The following PLD1 variants were observed in gnomAD, a reference collection of about 807,000 sequenced individuals.
The protein encoded by PLD1 is choline phosphatase 1.
In PLD1, 112 loss-of-function variants were observed where a neutral mutation model predicts 137.1. The ratio of observed to expected loss-of-function variants is 0.82; its 90% CI spans 0.70 to 0.96. The LOEUF (loss-of-function observed/expected upper bound fraction) is 0.96. Ranked by LOEUF, PLD1 falls within the 40% of genes least tolerant of loss-of-function variation. The pLI, the probability that PLD1 is intolerant of heterozygous loss-of-function variation, is 0.00. For missense variants in PLD1, 1,321 were observed against 1,342.0 expected (o/e 0.98, Z 0.24); for synonymous variants, 431 against 454.7 (o/e 0.95, Z 0.66).
chr3:171,620,306 G>C (rs935748100), intron 24 of PLD1, 80 bp downstream of exon 24: 2 of 994,524 alleles, frequency 2.0e-6, no homozygotes, highest in African/African-American at 3.2e-5. Flanking sequence ...AGGATGCTTA[G>C]GAGGAATAGC....
intron 21 of PLD1, among the ~76,000 whole-genome samples, chr3:171,651,869 C>T (rs1560182081): frequency 2.0e-5 from 3 of 152,182 alleles, no homozygotes; most frequent in Admixed American, 2.0e-4. Context: ...TTCCAGGGCA[C>T]ATGCTCAGGC....
chr3:171,634,094 G>T (rs1050017058), intron 23 of PLD1, among the ~76,000 whole-genome samples: 2 of 152,080 alleles, frequency 1.3e-5, no homozygotes, highest in Admixed American at 6.6e-5. Context: ...TTAGAAACAG[G>T]CATTATGTAA....
chr3:171,617,379 T>C (rs1733205314), intron 24 of PLD1, among the ~76,000 whole-genome samples: 1 of 152,138 alleles, frequency 6.6e-6, no homozygotes, highest in African/African-American at 2.4e-5. Flanking sequence ...CCCTGAACCT[T>C]CTTGTTCTGG....
chr3:171,773,922 G>A (rs908983842), intron 1 of PLD1, among the ~76,000 whole-genome samples: 13 of 151,718 alleles, frequency 8.6e-5, no homozygotes, highest in African/African-American at 2.9e-4. Flanking sequence ...CTAATTTTTT[G>A]TACTTTTAGT....
At chr3:171,737,511 T>C (rs1403477727) in intron 3 of PLD1, 21 bp downstream of exon 3, 2 of 1,587,800 alleles carry the variant, frequency 1.3e-6, no homozygotes, top group East Asian at 2.2e-5. Context: ...GAAAAAAGGG[T>C]GAGTCCATAA....
intron 22 of PLD1, among the ~76,000 whole-genome samples, chr3:171,644,570 A>G (rs960275084): frequency 5.9e-5 from 9 of 152,194 alleles, no homozygotes; most frequent in South Asian, 2.1e-4. Flanking sequence ...TTTTTTCTCT[A>G]TTTACTGCAA....
intron 1 of PLD1, chr3:171,791,953 G>C (rs1363295663): frequency 6.5e-6 from 1 of 152,782 alleles, no homozygotes; most frequent in Non-Finnish European, 1.5e-5. Context: ...CAGAGTTCCG[G>C]AACATTCCTC....
intron 12 of PLD1, among the ~76,000 whole-genome samples, chr3:171,696,569 G>T (rs191787486): frequency 6.6e-6 from 1 of 152,224 alleles, no homozygotes; most frequent in African/African-American, 2.4e-5. Flanking sequence ...AATAAACCTT[G>T]TGGACCTCTG....
In PLD1 at chr3:171,602,928, T is replaced by G; in HGVS notation, c.*150A>C. On this transcript the variant is annotated 3_prime_UTR_variant, in exon 27 of 27. Coordinates refer to ENST00000351298, the MANE Select transcript of PLD1 (RefSeq NM_002662.5). ...GATGTTTACAGTCCTTACATCAATGTGACTGCAGCCCTCCCCAGTCATTCC... is the reference window on the plus strand; with the variant it reads ...GATGTTTACAGTCCTTACATCAATGGGACTGCAGCCCTCCCCAGTCATTCC... 1 of 617,874 alleles carries G rather than the reference T, an allele frequency of 1.6e-6. No individual in the cohort carries two copies. The highest frequency in any genetic ancestry group is 2.7e-5 in the East Asian group (1 of 36,794). 38.3% of individuals were successfully genotyped at this position (617,874 alleles called of 1,614,324 possible). A position where few individuals can be genotyped will look rare whatever the true frequency, so the allele number is the denominator to read the frequency against.
chr3:171,690,246 CT>C (rs138030367), intron 13 of PLD1, among the ~76,000 whole-genome samples: 25 of 151,080 alleles, frequency 1.7e-4, no homozygotes, highest in African/African-American at 5.6e-4. Context: ...TAACTTGAGT[CT>C]TTTTTTTTCT....
chr3:171,684,105 A>T lies in PLD1; in HGVS notation c.1867+2580T>A, dbSNP rs565653289. ...GGGTACTTTTCATCAGCAACACCAT[A>T]CACATGTATGATCAGTGTCTCAGAT... On this transcript the variant is annotated intron_variant, in intron 16 of 26. Coordinates refer to ENST00000351298, the MANE Select transcript of PLD1 (RefSeq NM_002662.5). Among the ~76,000 whole-genome samples the T allele has an allele frequency of 2.6e-4, 40 of 152,300 alleles. No individual in the cohort carries two copies. The South Asian group carries it at 8.1e-3, about 31-fold the overall frequency.
intron 19 of PLD1, among the ~76,000 whole-genome samples, chr3:171,669,762 G>A (rs1317302872): frequency 6.6e-6 from 1 of 152,160 alleles, no homozygotes; most frequent in Admixed American, 6.5e-5. Context: ...AACTCAAACT[G>A]GTATACTCTT....
chr3:171,731,744 C>A (rs1225844635), intron 6 of PLD1, among the ~76,000 whole-genome samples: 1 of 151,844 alleles, frequency 6.6e-6, no homozygotes, highest in Non-Finnish European at 1.5e-5. Flanking sequence ...TGCACTCCAG[C>A]CTGGGAAACA....
In PLD1 at chr3:171,602,591, C is replaced by T. The variant is rs899699258; in HGVS notation, c.*487G>A. On this transcript the variant is annotated 3_prime_UTR_variant, in exon 27 of 27. Coordinates refer to ENST00000351298, the MANE Select transcript of PLD1 (RefSeq NM_002662.5). The stretch of plus-strand genomic sequence containing the variant: ...AGATGAGCAGGGGCATCCCATGTAA[C>T]CATGAAGAATCTTGAAGCAGCATTA... 4 of 168,130 alleles carry T rather than the reference C, an allele frequency of 2.4e-5. No homozygotes were observed. Among genetic ancestry groups the T allele is most frequent in the African/African-American group, 7.2e-5 (3 of 41,580 alleles). The allele number at this position is 168,130 out of a possible 1,614,324, so 10.4% of individuals were successfully genotyped here.
intron 8 of PLD1, among the ~76,000 whole-genome samples, chr3:171,723,612 C>T (rs990103730): frequency 1.3e-5 from 2 of 152,162 alleles, no homozygotes; most frequent in African/African-American, 2.4e-5. Flanking sequence ...GTTCCCTTTT[C>T]TCCACATCCT....
chr3:171,720,186 T>C (rs1314596011), intron 8 of PLD1, among the ~76,000 whole-genome samples: 1 of 145,416 alleles, frequency 6.9e-6, no homozygotes, highest in Non-Finnish European at 1.5e-5. Flanking sequence ...CCCTGCTATC[T>C]AGGGGGCTGA....
At chr3:171,726,646 G>T (rs55735538) in intron 6 of PLD1, among the ~76,000 whole-genome samples, 1,909 of 152,244 alleles carry the variant, frequency 0.013, 36 homozygotes, top group African/African-American at 0.04. Context: ...TGAACATCAG[G>T]CATAATGAAA....
intron 23 of PLD1, among the ~76,000 whole-genome samples, chr3:171,624,758 T>G (rs906843002): frequency 1.3e-5 from 2 of 152,164 alleles, no homozygotes; most frequent in African/African-American, 4.8e-5. Flanking sequence ...CAGGATATTC[T>G]GTTAAATGGA....
At chr3:171,804,419 T>C (rs1319590670) in intron 1 of PLD1, among the ~76,000 whole-genome samples, 2 of 152,254 alleles carry the variant, frequency 1.3e-5, no homozygotes, top group Admixed American at 6.5e-5. Flanking sequence ...GAAATACCTA[T>C]GTATTTTGAA....
Sources: allele counts gnomAD v4.1 joint callset (sites outside exome capture counted in the v4.1 genomes callset), GRCh38; gene constraint gnomAD v4.1.1; transcripts MANE v1.5; gene names NCBI Gene and HGNC (gene_info 2026-07-23, HGNC 2026-07-21).